The following TMEM267 variants were observed in gnomAD, a reference collection of about 807,000 sequenced individuals.
The protein encoded by TMEM267 is transmembrane protein C5orf28.
A neutral mutation model predicts 19.3 loss-of-function variants in TMEM267; 20 were observed. That is an observed-to-expected ratio of 1.04 (90% CI 0.73 to 1.51). The LOEUF (loss-of-function observed/expected upper bound fraction) is 1.51, where lower values mean the gene tolerates loss of function less well. Ranked by LOEUF, TMEM267 falls within the 40% of genes most tolerant of loss-of-function variation. The pLI is 0.00. For synonymous variants in TMEM267, 88 were observed against 90.3 expected, an observed-to-expected ratio of 0.97 and a Z score of 0.15; for missense variants, 242 against 261.9, an observed-to-expected ratio of 0.92 and a Z score of 0.52.
chr5:43,481,106 C>CTTTT (rs70994700), intron 1 of TMEM267, among the ~76,000 whole-genome samples: 3 of 124,454 alleles, frequency 2.4e-5, no homozygotes, highest in Non-Finnish European at 3.3e-5. Flanking sequence ...GCCCGGCTTA[C>CTTTT]TTTTTTTTTT....
chr5:43,450,871 C>T (rs559537136), intron 2 of TMEM267, among the ~76,000 whole-genome samples: 1 of 152,044 alleles, frequency 6.6e-6, no homozygotes, highest in Non-Finnish European at 1.5e-5. Flanking sequence ...TTTCGCTCTT[C>T]TTGCCCAGGC....
At chr5:43,475,042 G>T (rs989625068) in intron 1 of TMEM267, among the ~76,000 whole-genome samples, 20 of 152,120 alleles carry the variant, frequency 1.3e-4, no homozygotes, top group Middle Eastern at 3.2e-3. Flanking sequence ...TACCCAAAGG[G>T]TTATAAATCA....
rs1305627860 is a variant in TMEM267 at position 43,453,801 on chromosome 5, G to A, written c.169C>T (p.His57Tyr). The change falls in exon 2 of 3, where the codon CAT becomes TAT. Residue 57 changes from histidine (H) to tyrosine (Y), a missense_variant. Coordinates refer to ENST00000397080, the MANE Select transcript of TMEM267 (RefSeq NM_022483.5). ...WLRALSDNAVHCVIGMWSWAV... is the reference protein window; with the variant it reads ...WLRALSDNAVYCVIGMWSWAV... ...CATGACCACATGCCAATTACACAAT[G>A]TACTGCATTATCTGAGAGAGCACGA... 5 of 1,614,086 alleles carry A rather than the reference G, an allele frequency of 3.1e-6. No individual in the cohort carries two copies. Among genetic ancestry groups the A allele is most frequent in the Non-Finnish European group, 4.2e-6 (5 of 1,179,988 alleles).
At chr5:43,479,633 T>C (rs979460912) in intron 1 of TMEM267, among the ~76,000 whole-genome samples, 3 of 152,118 alleles carry the variant, frequency 2.0e-5, no homozygotes, top group Non-Finnish European at 2.9e-5. Context: ...TTCATAGTTA[T>C]GTAATAATAG....
intron 1 of TMEM267, among the ~76,000 whole-genome samples, chr5:43,476,717 A>G (rs1744451453): frequency 6.6e-6 from 1 of 151,912 alleles, no homozygotes; most frequent in South Asian, 2.1e-4. Flanking sequence ...ATGTGAGTAC[A>G]TAAAGGTGAA....
chr5:43,470,602 T>C (rs1037838629), intron 1 of TMEM267, among the ~76,000 whole-genome samples: 1 of 152,198 alleles, frequency 6.6e-6, no homozygotes, highest in Admixed American at 6.5e-5. Flanking sequence ...CTAAACTGAT[T>C]GAGAGCTGTC....
At chr5:43,468,788 T>G (rs1743903191) in intron 1 of TMEM267, among the ~76,000 whole-genome samples, 2 of 152,236 alleles carry the variant, frequency 1.3e-5, no homozygotes, top group South Asian at 4.1e-4. Context: ...TACATTCTTT[T>G]CCTCAGCACA....
intron 2 of TMEM267, among the ~76,000 whole-genome samples, chr5:43,449,576 G>T (rs549680875): frequency 4.3e-4 from 65 of 152,284 alleles, no homozygotes; most frequent in African/African-American, 1.5e-3. Flanking sequence ...AATGATAAAA[G>T]AACAGTTTTT....
intron 2 of TMEM267, among the ~76,000 whole-genome samples, chr5:43,449,785 C>T (rs1246782641): frequency 1.3e-5 from 2 of 152,132 alleles, no homozygotes; most frequent in African/African-American, 2.4e-5. Context: ...ACATTTTCAA[C>T]AGGATGGGAT....
chr5:43,478,867 G>C (rs1009116084), intron 1 of TMEM267, among the ~76,000 whole-genome samples: 3 of 152,080 alleles, frequency 2.0e-5, no homozygotes, highest in African/African-American at 7.2e-5. Flanking sequence ...GTGATAGTAG[G>C]AGTAGGGAAA....
At chr5:43,467,365 A>C (rs1743801801) in intron 1 of TMEM267, among the ~76,000 whole-genome samples, 1 of 152,126 alleles carries the variant, frequency 6.6e-6, no homozygotes. Context: ...ATAAAGACAC[A>C]CATAGACTGA....
chr5:43,448,286 T>C (rs1173296441), intron 2 of TMEM267, among the ~76,000 whole-genome samples: 1 of 152,256 alleles, frequency 6.6e-6, no homozygotes. Flanking sequence ...CATTTCTATA[T>C]TATTATTCTA....
chr5:43,471,667 A>C lies in TMEM267; in HGVS notation c.-75+12155T>G, dbSNP rs567887409. Among the ~76,000 whole-genome samples, 7 of 152,314 alleles carry C rather than the reference A, an allele frequency of 4.6e-5. No individual in the cohort carries two copies. The East Asian group carries it at 1.3e-3, about 29-fold the overall frequency. On this transcript the variant is annotated intron_variant, in intron 1 of 2. Coordinates refer to ENST00000397080, the MANE Select transcript of TMEM267 (RefSeq NM_022483.5). Reference sequence around the variant, plus strand: ...ACCTATAGCGAACTAATTTTTGACAAAGGTGCCAAGAACATACACTGGGGA... The same window carrying C: ...ACCTATAGCGAACTAATTTTTGACACAGGTGCCAAGAACATACACTGGGGA...
At chr5:43,448,349 A>G (rs1742377208) in intron 2 of TMEM267, among the ~76,000 whole-genome samples, 2 of 152,196 alleles carry the variant, frequency 1.3e-5, no homozygotes, top group Non-Finnish European at 2.9e-5. Context: ...TGTTAAGTTC[A>G]TCATTGGTCC....
chr5:43,483,410 A>G (rs1316867839), intron 1 of TMEM267, among the ~76,000 whole-genome samples: 7 of 152,216 alleles, frequency 4.6e-5, no homozygotes, highest in Non-Finnish European at 2.9e-5. Flanking sequence ...TTCAAGCCTC[A>G]AAGGCTCCGG....
intron 1 of TMEM267, among the ~76,000 whole-genome samples, chr5:43,480,410 C>T (rs537735161): frequency 6.6e-6 from 1 of 152,004 alleles, no homozygotes; most frequent in Non-Finnish European, 1.5e-5. Flanking sequence ...AACTCCTAGG[C>T]TCAAGCAATT....
In TMEM267 at chr5:43,453,877, G is replaced by T. The variant is rs753352277; in HGVS notation, c.93C>A (p.Leu31=). 1 of 1,613,874 alleles carries T rather than the reference G, an allele frequency of 6.2e-7. No homozygotes were observed. Among genetic ancestry groups the T allele is most frequent in the South Asian group, 1.1e-5 (1 of 91,076 alleles). The change falls in exon 2 of 3, where the codon CTC becomes CTA. Residue 31 remains leucine (L), a synonymous_variant. Transcript: ENST00000397080. ...ISSLGLGAFC[L]VADRLLQFST... The stretch of plus-strand genomic sequence containing the variant: ...AAAACTGAAGAAGTCTGTCAGCTAC[G>T]AGGCAAAATGCCCCCAGACCAAGGC...
chr5:43,449,470 C>T (rs754830571), intron 2 of TMEM267, among the ~76,000 whole-genome samples: 6 of 151,896 alleles, frequency 4.0e-5, no homozygotes, highest in Non-Finnish European at 5.9e-5. Context: ...TCCAAGAAAA[C>T]GAAAAATAAA....
chr5:43,464,831 T>C (rs1333615086), intron 1 of TMEM267, among the ~76,000 whole-genome samples: 2 of 152,166 alleles, frequency 1.3e-5, no homozygotes, highest in Non-Finnish European at 2.9e-5. Context: ...ACTTAAGTGT[T>C]AGACCAAAAA....
Sources: allele counts gnomAD v4.1 joint callset (sites outside exome capture counted in the v4.1 genomes callset), GRCh38; gene constraint gnomAD v4.1.1; transcripts MANE v1.5; gene names NCBI Gene and HGNC (gene_info 2026-07-23, HGNC 2026-07-21).